NRXN1: variants seen among roughly 807,000 people sequenced by gnomAD.
The protein encoded by NRXN1 is neurexin 1.
Under a neutral mutation model 150.9 loss-of-function variants are expected in NRXN1, and 39 were observed. The observed-to-expected ratio is 0.26, with a 90% CI of 0.20 to 0.34. The LOEUF (loss-of-function observed/expected upper bound fraction) is 0.34, where lower values mean the gene tolerates loss of function less well. Among genes scored for constraint, NRXN1 ranks in the 10% least tolerant of loss-of-function variants. The pLI is 1.00. For missense variants in NRXN1, 1,815 were observed against 1,949.9 expected (o/e 0.93, Z 1.30); for synonymous variants, 924 against 757.0 (o/e 1.22, Z -3.62).
chr2:50,351,402 TA>T (rs2078402108), intron 17 of NRXN1, among the ~76,000 whole-genome samples: 1 of 152,190 alleles, frequency 6.6e-6, no homozygotes, highest in Admixed American at 6.5e-5. Context: ...CATCTCTAAT[TA>T]TGATGTGGCT....
chr2:50,297,140 C>A (rs925367569), intron 17 of NRXN1, among the ~76,000 whole-genome samples: 2 of 152,130 alleles, frequency 1.3e-5, no homozygotes, highest in Non-Finnish European at 2.9e-5. Context: ...GCACCCGCCT[C>A]AGCCTCCCAA....
intron 5 of NRXN1, among the ~76,000 whole-genome samples, chr2:50,778,203 A>G (rs768113971): frequency 1.3e-5 from 2 of 152,178 alleles, no homozygotes; most frequent in Non-Finnish European, 2.9e-5. Context: ...TGTAAAAACA[A>G]TGAGTCATTA....
At chr2:50,244,789 T>G (rs115763484) in intron 17 of NRXN1, among the ~76,000 whole-genome samples, 1 of 151,820 alleles carries the variant, frequency 6.6e-6, no homozygotes, top group South Asian at 2.1e-4. Flanking sequence ...AAATGACAAA[T>G]GTATGAATAT....
intron 17 of NRXN1, among the ~76,000 whole-genome samples, chr2:50,428,049 T>C (rs1164372384): frequency 2.0e-5 from 3 of 152,262 alleles, no homozygotes; most frequent in Non-Finnish European, 2.9e-5. Context: ...TGATGCTTGC[T>C]TTTCCTGAAA....
At chr2:49,977,879 A>G (rs1214564063) in intron 21 of NRXN1, among the ~76,000 whole-genome samples, 1 of 152,178 alleles carries the variant, frequency 6.6e-6, no homozygotes, top group East Asian at 1.9e-4. Flanking sequence ...GTATGGACAG[A>G]AAATGTAGCG....
rs1247972748 is a variant in NRXN1 at position 50,922,738 on chromosome 2, G to A, written c.791-51C>T. 1.9e-6 allele frequency: 3 copies of A among 1,590,088 alleles called. No homozygotes were observed. The South Asian group carries it at 3.4e-5, about 18-fold the overall frequency. On this transcript the variant is annotated intron_variant, in intron 3 of 22. Coordinates refer to ENST00000401669, the MANE Select transcript of NRXN1 (RefSeq NM_001330078.2). ...AGCAATAAACAAGGGAGCATGGGAA[G>A]GCAGGGTTGTCACGGTGACAAAAAT...
chr2:50,814,981 A>G (rs1439929866), intron 5 of NRXN1, among the ~76,000 whole-genome samples: 1 of 152,136 alleles, frequency 6.6e-6, no homozygotes, highest in Admixed American at 6.6e-5. Flanking sequence ...CTATATAGAG[A>G]ATTCTTAGAA....
intron 2 of NRXN1, among the ~76,000 whole-genome samples, chr2:50,962,144 A>C (rs1693299107): frequency 6.6e-6 from 1 of 151,782 alleles, no homozygotes; most frequent in South Asian, 2.1e-4. Context: ...ATTTGTATTG[A>C]GAGTTTCCCA....
chr2:50,349,297 A>G (rs1009105762), intron 17 of NRXN1, among the ~76,000 whole-genome samples: 1 of 152,200 alleles, frequency 6.6e-6, no homozygotes, highest in African/African-American at 2.4e-5. Context: ...CGCAAAATCT[A>G]TCATTTTCCA....
chr2:50,993,517 A>G (rs1030301271), intron 2 of NRXN1, among the ~76,000 whole-genome samples: 1 of 151,736 alleles, frequency 6.6e-6, no homozygotes, highest in African/African-American at 2.4e-5. Flanking sequence ...CCTTTATACA[A>G]TTAATTAGGG....
At chr2:50,088,504 C>T (rs1245349765) in intron 19 of NRXN1, among the ~76,000 whole-genome samples, 3 of 152,144 alleles carry the variant, frequency 2.0e-5, no homozygotes, top group Admixed American at 6.6e-5. Flanking sequence ...ATAATTGCAA[C>T]TTTGCCCACT....
At chr2:50,437,827 G>A (rs1466191399) in intron 17 of NRXN1, among the ~76,000 whole-genome samples, 1 of 152,138 alleles carries the variant, frequency 6.6e-6, no homozygotes, top group Non-Finnish European at 1.5e-5. Flanking sequence ...TGGGTGAAAT[G>A]CTTTGCATCC....
chr2:50,307,581 C>A (rs765584649), intron 17 of NRXN1, among the ~76,000 whole-genome samples: 22 of 152,124 alleles, frequency 1.4e-4, no homozygotes, highest in Non-Finnish European at 2.4e-4. Flanking sequence ...AGATGTTTCT[C>A]AAGCCCTGTT....
At chr2:50,669,741 G>C (rs1359262719) in intron 5 of NRXN1, among the ~76,000 whole-genome samples, 4 of 151,176 alleles carry the variant, frequency 2.6e-5, no homozygotes, top group Non-Finnish European at 5.9e-5. Flanking sequence ...TATATGTAGA[G>C]ATCTGAGACA....
chr2:50,498,247 T>C (rs2091755606), intron 13 of NRXN1, among the ~76,000 whole-genome samples: 3 of 152,142 alleles, frequency 2.0e-5, no homozygotes, highest in Non-Finnish European at 4.4e-5. Context: ...CTTCCAGTAA[T>C]GAAACATGAA....
chr2:50,160,630 A>T (rs1291891543), intron 18 of NRXN1, among the ~76,000 whole-genome samples: 1 of 152,112 alleles, frequency 6.6e-6, no homozygotes, highest in Non-Finnish European at 1.5e-5. Context: ...GAGTAGGTAA[A>T]CACACCTAAA....
intron 17 of NRXN1, among the ~76,000 whole-genome samples, chr2:50,314,211 A>C (rs1442737533): frequency 6.6e-6 from 1 of 152,070 alleles, no homozygotes; most frequent in Non-Finnish European, 1.5e-5. Flanking sequence ...ATGCTAAGAA[A>C]TGCTAGTTTC....
intron 18 of NRXN1, among the ~76,000 whole-genome samples, chr2:50,110,665 T>C (rs935215869): frequency 6.6e-6 from 1 of 152,128 alleles, no homozygotes; most frequent in Non-Finnish European, 1.5e-5. Flanking sequence ...AAAAAATTGA[T>C]AGCACATAAA....
At chr2:50,025,530 T>C (rs1303543253) in intron 21 of NRXN1, among the ~76,000 whole-genome samples, 1 of 152,114 alleles carries the variant, frequency 6.6e-6, no homozygotes, top group East Asian at 1.9e-4. Flanking sequence ...GGAAAGTAGC[T>C]AAAGAAATTG....
Sources: gnomAD v4.1 joint callset for allele counts (sites outside exome capture counted in the v4.1 genomes callset) on GRCh38, gnomAD v4.1.1 for gene constraint, MANE v1.5 for transcripts, NCBI Gene and HGNC (gene_info 2026-07-23, HGNC 2026-07-21) for gene names.